ECE1: variants seen among roughly 807,000 people sequenced by gnomAD.
ECE1 encodes endothelin-converting enzyme 1.
Under a neutral mutation model 98.6 loss-of-function variants are expected in ECE1, and 35 were observed. The observed-to-expected ratio is 0.35, with a 90% CI of 0.27 to 0.47. The LOEUF (loss-of-function observed/expected upper bound fraction) is 0.47. Ranked by LOEUF, ECE1 falls within the 20% of genes least tolerant of loss-of-function variation. ECE1 has a pLI of 1.00. For missense variants in ECE1, 814 were observed against 1,025.3 expected, an observed-to-expected ratio of 0.79 and a Z score of 2.81; for synonymous variants, 394 against 407.1, an observed-to-expected ratio of 0.97 and a Z score of 0.39.
At chr1:21,222,882 CA>C (rs1231738559) in intron 17 of ECE1, among the ~76,000 whole-genome samples, 3 of 136,416 alleles carry the variant, frequency 2.2e-5, no homozygotes, top group Non-Finnish European at 4.7e-5. Flanking sequence ...GACATGGAAA[CA>C]AATGGAGCCA....
chr1:21,326,242 G>C (rs899010493), intron 1 of ECE1, among the ~76,000 whole-genome samples: 29 of 152,154 alleles, frequency 1.9e-4, no homozygotes, highest in African/African-American at 5.8e-4. Context: ...AGGTACAGGA[G>C]GGGCCACAAA....
chr1:21,247,690 C>T (rs944841205), intron 8 of ECE1, among the ~76,000 whole-genome samples: 2 of 152,168 alleles, frequency 1.3e-5, no homozygotes, highest in Non-Finnish European at 2.9e-5. Context: ...CCACCTGGTC[C>T]TCACGCGAGT....
chr1:21,288,703 G>A (rs1193933993), intron 2 of ECE1, among the ~76,000 whole-genome samples: 1 of 152,342 alleles, frequency 6.6e-6, no homozygotes, highest in East Asian at 1.9e-4. Flanking sequence ...GAAGGGAAAA[G>A]CACCTGCCCC....
chr1:21,265,753 G>C (rs1325911831), intron 4 of ECE1, among the ~76,000 whole-genome samples: 1 of 152,094 alleles, frequency 6.6e-6, no homozygotes, highest in East Asian at 1.9e-4. Context: ...TTGATGCTGT[G>C]GTCTCCTTTA....
chr1:21,251,423 G>T lies in ECE1; in HGVS notation c.1021-4060C>A, dbSNP rs200133453. 2.1e-4 allele frequency among the ~76,000 whole-genome samples: 32 copies of T among 152,286 alleles called. No individual in the cohort carries two copies. The East Asian group carries it at 5.4e-3, about 26-fold the overall frequency. The stretch of plus-strand genomic sequence containing the variant: ...CCAGCTACTTGGGAGGCTGAGGCAT[G>T]AGAATCACTTGAGCCTGGGAGGCGG... On this transcript the variant is annotated intron_variant, in intron 8 of 18. Coordinates refer to ENST00000374893, the MANE Select transcript of ECE1 (RefSeq NM_001397.3).
intron 2 of ECE1, 50 bp from the exon 3 acceptor site, chr1:21,279,382 C>T (rs571931888): frequency 1.9e-5 from 30 of 1,613,516 alleles, no homozygotes; most frequent in South Asian, 4.4e-5. Context: ...CCCCGGGCCC[C>T]GCTTCCCTTG....
At chr1:21,226,432 G>A (rs1199761023) in intron 16 of ECE1, among the ~76,000 whole-genome samples, 3 of 152,076 alleles carry the variant, frequency 2.0e-5, no homozygotes, top group East Asian at 1.9e-4. Context: ...TCATATAATC[G>A]GCAGGTGGCA....
Position 21,319,979 on chromosome 1 carries a change from T to C in ECE1, c.3+25397A>G, listed in dbSNP as rs973571883. 5.3e-5 allele frequency among the ~76,000 whole-genome samples: 8 copies of C among 152,160 alleles called. No homozygotes were observed. The highest frequency in any genetic ancestry group is 1.0e-4 in the Non-Finnish European group (7 of 68,016). ...TCCCTGGGCCACAATGTAAGAAATA[T>C]TGTCTTGGGTCACACATAAAATACA... On this transcript the variant is annotated intron_variant, in intron 1 of 18. Transcript: ENST00000415912. This position sits in a 1 kb window ranked among gnomAD's most constrained non-coding sequence, Gnocchi z 4.4.
At position 21,324,716 on chromosome 1, in the gene ECE1, G is replaced by A. The variant is rs139704384; in HGVS notation, c.3+20660C>T. ...TCACTTAATCGGCCTCCCTGCTCTG[G>A]CAGAGATGGCTCTGGGCCCCAGGAA... On this transcript the variant is annotated intron_variant, in intron 1 of 18. Transcript: ENST00000415912. Among the ~76,000 whole-genome samples, 76 of 152,334 alleles carry A rather than the reference G, an allele frequency of 5.0e-4. 1 individual carries two copies. Among genetic ancestry groups the A allele is most frequent in the Admixed American group, 3.1e-3 (47 of 15,306 alleles).
intron 1 of ECE1, among the ~76,000 whole-genome samples, chr1:21,306,213 G>C (rs1638593677): frequency 1.3e-5 from 2 of 152,184 alleles, no homozygotes; most frequent in African/African-American, 4.8e-5. Context: ...TCAGGAGCTT[G>C]AATTGTAATA....
chr1:21,328,078 A>C (rs1639121647), intron 1 of ECE1, among the ~76,000 whole-genome samples: 1 of 152,204 alleles, frequency 6.6e-6, no homozygotes, highest in Non-Finnish European at 1.5e-5. Context: ...TCTTCCACGA[A>C]GCCTGGCACC....
intron 4 of ECE1, among the ~76,000 whole-genome samples, chr1:21,262,907 G>T (rs951241470): frequency 6.6e-6 from 1 of 152,210 alleles, no homozygotes; most frequent in African/African-American, 2.4e-5. Context: ...GGCCGGGTGT[G>T]GGGGACAGTG....
rs1638983782 is a variant in ECE1, at chr1:21,322,403, C to A, written c.3+22973G>T. Among the ~76,000 whole-genome samples, 1 of 152,330 alleles carries A rather than the reference C, an allele frequency of 6.6e-6. No homozygotes were observed. The highest frequency in any genetic ancestry group is 2.1e-4 in the South Asian group (1 of 4,828). On this transcript the variant is annotated intron_variant, in intron 1 of 18. Transcript: ENST00000415912. This position sits in a 1 kb window ranked among gnomAD's most constrained non-coding sequence, Gnocchi z 4.1. ...GGTAGCCCTTAGCCCAGCAGACGCC[C>A]AGGCAGCCTGGCTGCACAGTTGCCA... is the stretch of plus-strand genomic sequence containing the variant.
intron 4 of ECE1, among the ~76,000 whole-genome samples, chr1:21,267,424 A>G (rs1005158810): frequency 1.3e-5 from 2 of 152,070 alleles, no homozygotes; most frequent in Non-Finnish European, 2.9e-5. Flanking sequence ...GCAACAGGCA[A>G]AGAGAGAGAG....
chr1:21,275,365 T>C (rs1023109716), intron 3 of ECE1, among the ~76,000 whole-genome samples: 5 of 152,018 alleles, frequency 3.3e-5, no homozygotes, highest in Non-Finnish European at 5.9e-5. Flanking sequence ...GAGGCCGAGG[T>C]GGGCGGATCA....
chr1:21,258,038 T>TC lies in ECE1; in HGVS notation c.763-449dup, dbSNP rs1317347871. Among the ~76,000 whole-genome samples, 1 of 152,176 alleles carries TC rather than the reference T, an allele frequency of 6.6e-6. No individual in the cohort carries two copies. The highest frequency in any genetic ancestry group is 1.5e-5 in the Non-Finnish European group (1 of 68,026). Reference sequence around the variant, plus strand: ...TGGGGATTCAAGAAGACAGTGCTGGTCAAGTGCCTGCCAAGCAGGAGGGGA... The same window carrying TC: ...TGGGGATTCAAGAAGACAGTGCTGGTCCAAGTGCCTGCCAAGCAGGAGGGGA... On this transcript the variant is annotated intron_variant, in intron 6 of 18. Transcript: ENST00000374893. The surrounding 1 kb of genome is among the most constrained non-coding windows in gnomAD (Gnocchi z 4.2).
chr1:21,221,365 T>A lies in ECE1; in HGVS notation c.2136+382A>T, dbSNP rs114900687. On this transcript the variant is annotated intron_variant, in intron 18 of 18. Transcript: ENST00000374893. ...TTTGTATTTTTTCATAGAGACAGGGTTTCACTATGTGGACTAGGCTGGTCT... is the reference window on the plus strand; with the variant it reads ...TTTGTATTTTTTCATAGAGACAGGGATTCACTATGTGGACTAGGCTGGTCT... Among the ~76,000 whole-genome samples the A allele has an allele frequency of 3.3e-3, 509 of 152,270 alleles. 6 individuals are homozygous for A. Among genetic ancestry groups the A allele is most frequent in the African/African-American group, 0.011 (475 of 41,548 alleles).
chr1:21,271,278 A>G (rs1186755511), intron 4 of ECE1, among the ~76,000 whole-genome samples: 1 of 152,174 alleles, frequency 6.6e-6, no homozygotes, highest in Non-Finnish European at 1.5e-5. Flanking sequence ...TGGGGCAGGA[A>G]AGAAAGGAAA....
In ECE1 at chr1:21,258,902, T is replaced by C. The variant is rs974931975; in HGVS notation, c.616-63A>G. The C allele has an allele frequency of 4.4e-6, 7 of 1,602,434 alleles. No individual in the cohort carries two copies. In the African/African-American group the frequency reaches 5.4e-5, roughly 12 times the overall value. ...GGCGGGGAGACCCAGATGTGAATTC[T>C]GGTTCTGCCGCTGACTTGCTCTGTG... is the stretch of plus-strand genomic sequence containing the variant. On this transcript the variant is annotated intron_variant, in intron 5 of 18. Transcript: ENST00000374893. The surrounding 1 kb of genome is among the most constrained non-coding windows in gnomAD (Gnocchi z 4.2).
Sources: allele counts gnomAD v4.1 joint callset (sites outside exome capture counted in the v4.1 genomes callset), GRCh38; gene constraint gnomAD v4.1.1; non-coding constraint Gnocchi (gnomAD v3.1); transcripts MANE v1.5; gene names NCBI Gene and HGNC (gene_info 2026-07-23, HGNC 2026-07-21).